LPP: variants seen among roughly 807,000 people sequenced by gnomAD.
The protein encoded by LPP is lipoma-preferred partner.
In LPP, 38 loss-of-function variants were observed where a neutral mutation model predicts 60.4. The observed-to-expected ratio is 0.63, with a 90% CI of 0.49 to 0.83. The LOEUF (loss-of-function observed/expected upper bound fraction) is 0.83, where lower values mean the gene tolerates loss of function less well. Ranked by LOEUF, LPP falls within the 40% of genes least tolerant of loss-of-function variation. LPP has a pLI of 0.00. For missense variants in LPP, 902 were observed against 783.6 expected (o/e 1.15, Z -1.80); for synonymous variants, 328 against 290.8 (o/e 1.13, Z -1.30).
chr3:188,753,676 A>G (rs189979656), intron 8 of LPP, among the ~76,000 whole-genome samples: 6 of 151,556 alleles, frequency 4.0e-5, no homozygotes, highest in Admixed American at 1.3e-4. Context: ...AGATGTTAAA[A>G]TGTTTCTTAA....
chr3:188,671,316 C>A (rs1856910764), intron 7 of LPP, among the ~76,000 whole-genome samples: 1 of 152,150 alleles, frequency 6.6e-6, no homozygotes, highest in East Asian at 1.9e-4. Flanking sequence ...TATCCCTTGT[C>A]TTTTAAAAGT....
At chr3:188,300,454 ATTTTT>A (rs34492581) in intron 2 of LPP, among the ~76,000 whole-genome samples, 22 of 125,204 alleles carry the variant, frequency 1.8e-4, no homozygotes, top group African/African-American at 5.4e-4. Flanking sequence ...ACACTTGGCC[ATTTTT>A]TTTTTTTTTT....
intron 2 of LPP, among the ~76,000 whole-genome samples, chr3:188,261,753 A>T (rs1281550888): frequency 2.0e-5 from 3 of 152,056 alleles, no homozygotes; most frequent in Admixed American, 2.0e-4. Flanking sequence ...CCAAAAAAAA[A>T]AAAAATATAT....
chr3:188,250,780 T>TTCTTTCTTTCTG (rs1729047595), intron 2 of LPP, among the ~76,000 whole-genome samples: 2 of 93,806 alleles, frequency 2.1e-5, no homozygotes, highest in South Asian at 7.2e-4. Flanking sequence ...CTTTCTTTCT[T>TTCTTTCTTTCTG]TCTTTCTGTC....
chr3:188,368,297 A>G (rs1771815997), intron 3 of LPP, among the ~76,000 whole-genome samples: 3 of 152,158 alleles, frequency 2.0e-5, no homozygotes. Context: ...AAACTGTGGC[A>G]TACTTTTTTT....
rs187824100 is a variant in LPP, at chr3:188,496,348, C to T, written c.306+11644C>T. 4.6e-5 allele frequency among the ~76,000 whole-genome samples: 7 copies of T among 152,230 alleles called. No individual in the cohort carries two copies. The East Asian group carries it at 1.2e-3, about 25-fold the overall frequency. ...TTCACCATGTTGGCCAGGCTGGTCT[C>T]GAACACCTGACCTCGTGATCTGCCC... On this transcript the variant is annotated intron_variant, in intron 5 of 11. Coordinates refer to ENST00000617246, the MANE Select transcript of LPP (RefSeq NM_001375462.1).
At position 188,609,398 on chromosome 3, in the gene LPP, G is replaced by T; in HGVS notation, c.667G>T (p.Val223Leu). ...CACTTCTTCAAGGCCTACCTTTAAT[G>T]TGCAGGTGAAGTCAGCCCAGCCCAG... ...ASTSSRPTFN[V>L]QVKSAQPSPH... The change falls in exon 7 of 12, where the codon GTG becomes TTG. Residue 223 changes from valine to leucine, a missense_variant. By Grantham distance (32) the Val-to-Leu change is conservative (BLOSUM62 1). Coordinates refer to ENST00000617246, the MANE Select transcript of LPP (RefSeq NM_001375462.1). This position sits in a 1 kb window ranked among gnomAD's most constrained non-coding sequence, Gnocchi z 6.9. The T allele has an allele frequency of 1.2e-6, 2 of 1,614,128 alleles. No homozygotes were observed. The highest frequency in any genetic ancestry group is 1.7e-6 in the Non-Finnish European group (2 of 1,180,020).
intron 3 of LPP, among the ~76,000 whole-genome samples, chr3:188,387,849 G>T (rs1227816884): frequency 6.6e-6 from 1 of 152,012 alleles, no homozygotes; most frequent in East Asian, 1.9e-4. Context: ...ACAGGCATGA[G>T]CCACCCTGCC....
At chr3:188,391,730 CAG>C (rs1779736574) in intron 3 of LPP, among the ~76,000 whole-genome samples, 2 of 152,022 alleles carry the variant, frequency 1.3e-5, no homozygotes, top group South Asian at 2.1e-4. Flanking sequence ...ACTTGTGAAA[CAG>C]AGATCAAAAG....
intron 5 of LPP, among the ~76,000 whole-genome samples, chr3:188,495,465 C>T (rs970653314): frequency 6.6e-6 from 1 of 151,846 alleles, no homozygotes; most frequent in Non-Finnish European, 1.5e-5. Flanking sequence ...GTCATGAAAG[C>T]AGTTACTTAT....
chr3:188,171,787 G>A (rs568888166), intron 1 of LPP, among the ~76,000 whole-genome samples: 58 of 152,296 alleles, frequency 3.8e-4, no homozygotes, highest in African/African-American at 1.3e-3. Flanking sequence ...GGTTCTCAGC[G>A]TGGATTCTTG....
At chr3:188,550,410 C>G (rs1827796211) in intron 6 of LPP, among the ~76,000 whole-genome samples, 1 of 151,800 alleles carries the variant, frequency 6.6e-6, no homozygotes, top group Admixed American at 6.6e-5. Flanking sequence ...AACCCCGTCT[C>G]TACTAAAAAT....
chr3:188,605,037 A>C (rs138553319), intron 6 of LPP, among the ~76,000 whole-genome samples: 1 of 152,198 alleles, frequency 6.6e-6, no homozygotes, highest in East Asian at 1.9e-4. Context: ...AAGAAGGTCA[A>C]TGTATCTCAA....
chr3:188,767,334 T>G (rs955830364), intron 9 of LPP, among the ~76,000 whole-genome samples: 2 of 152,080 alleles, frequency 1.3e-5, no homozygotes, highest in African/African-American at 2.4e-5. Context: ...ATGTCACAGT[T>G]CCCCATGAAG....
At chr3:188,682,760 T>G (rs1241021585) in intron 7 of LPP, among the ~76,000 whole-genome samples, 1 of 152,210 alleles carries the variant, frequency 6.6e-6, no homozygotes, top group African/African-American at 2.4e-5. Context: ...AATATATTTT[T>G]TACTGAAACG....
At chr3:188,409,306 A>G (rs1169561527) in intron 4 of LPP, among the ~76,000 whole-genome samples, 1 of 152,166 alleles carries the variant, frequency 6.6e-6, no homozygotes, top group Non-Finnish European at 1.5e-5. Flanking sequence ...CAAGAGAAGA[A>G]ATTTTCCTTT....
intron 6 of LPP, among the ~76,000 whole-genome samples, chr3:188,577,709 C>T (rs938045840): frequency 4.1e-5 from 6 of 147,636 alleles, no homozygotes; most frequent in Non-Finnish European, 7.5e-5. Flanking sequence ...TCTACTGTTT[C>T]CCTCCTCTCC....
intron 1 of LPP, among the ~76,000 whole-genome samples, chr3:188,200,422 G>A (rs1052477900): frequency 1.3e-5 from 2 of 152,036 alleles, no homozygotes; most frequent in Non-Finnish European, 2.9e-5. Context: ...ACTAATTTTT[G>A]TATTTTTAGT....
In LPP at chr3:188,699,346, C is replaced by T. The variant is rs1019240914; in HGVS notation, c.1114-8921C>T. Among the ~76,000 whole-genome samples the T allele has an allele frequency of 7.9e-5, 12 of 152,284 alleles. No homozygotes were observed. In the East Asian group the frequency reaches 2.1e-3, roughly 27 times the overall value. Reference sequence around the variant, plus strand: ...GAGACCAGGGCCCCCTGACTGGATGCCCAGGCCTTTTCCCAGCTGCAGTAA... The same window carrying T: ...GAGACCAGGGCCCCCTGACTGGATGTCCAGGCCTTTTCCCAGCTGCAGTAA... On this transcript the variant is annotated intron_variant, in intron 7 of 11. Transcript: ENST00000617246.
Sources: gnomAD v4.1 joint callset for allele counts (sites outside exome capture counted in the v4.1 genomes callset) on GRCh38, gnomAD v4.1.1 for gene constraint, Gnocchi (gnomAD v3.1) non-coding constraint, MANE v1.5 for transcripts, NCBI Gene and HGNC (gene_info 2026-07-23, HGNC 2026-07-21) for gene names.